STK17A: variants seen among roughly 807,000 people sequenced by gnomAD.
STK17A encodes the protein serine/threonine kinase 17a, also known as serine/threonine-protein kinase 17A.
STK17A carries 26 observed loss-of-function variants against 43.7 expected under a neutral mutation model. That is an observed-to-expected ratio of 0.60 (90% CI 0.44 to 0.83). STK17A has a LOEUF of 0.83. STK17A is among the 40% of genes least tolerant of loss of function. The pLI is 0.00. For synonymous variants in STK17A, 191 were observed against 182.5 expected, an observed-to-expected ratio of 1.05 and a Z score of -0.38; for missense variants, 476 against 511.6, an observed-to-expected ratio of 0.93 and a Z score of 0.67.
chr7:43,612,510 A>G (rs149844804), intron 3 of STK17A, among the ~76,000 whole-genome samples: 194 of 152,352 alleles, frequency 1.3e-3, no homozygotes, highest in African/African-American at 4.5e-3. Context: ...CATTGCCTCA[A>G]AGCTAAATAT....
chr7:43,623,526 A>AT (rs1386813249), intron 4 of STK17A, 46 bp from the exon 5 acceptor site: 3 of 1,557,806 alleles, frequency 1.9e-6, no homozygotes, highest in Non-Finnish European at 1.8e-6. Flanking sequence ...CAAATTAGGA[A>AT]TTTTTTTCCA....
intron 2 of STK17A, among the ~76,000 whole-genome samples, chr7:43,598,236 C>T (rs527676892): frequency 1.7e-4 from 26 of 152,032 alleles, no homozygotes; most frequent in South Asian, 6.2e-4. Context: ...TATGGGAGGC[C>T]GAGGCAGGTG....
Position 43,583,406 on chromosome 7 carries a change from T to A in STK17A, c.163T>A (p.Phe55Ile). ...ACGCGCCGTGGTGCGCACCGAGCCC[T>A]TCCAGGACGGCTACAGCCTGTGCCC... is the stretch of plus-strand genomic sequence containing the variant. The part of the protein sequence containing the change: ...EIRAVVRTEP[F>I]QDGYSLCPGR... The change falls in exon 1 of 7, where the codon TTC (phenylalanine) becomes ATC (isoleucine). Residue 55 changes from phenylalanine (F) to isoleucine (I), a missense_variant. Phe to Ile is a conservative substitution (Grantham distance 21). Around this residue, in one of 3 missense-constraint regions of STK17A, gnomAD observed 320 missense variants for 326.3 expected, o/e 0.98. Transcript: ENST00000319357. 7.0e-7 allele frequency: 1 copy of A among 1,435,302 alleles called. No individual in the cohort carries two copies. The highest frequency in any genetic ancestry group is 3.1e-5 in the East Asian group (1 of 32,588). The allele number at this position is 1,435,302 out of a possible 1,614,324, so 88.9% of individuals were successfully genotyped here. A position where few individuals can be genotyped will look rare whatever the true frequency, so the allele number is the denominator to read the frequency against.
At chr7:43,610,341 C>T (rs180710568) in intron 3 of STK17A, among the ~76,000 whole-genome samples, 4,336 of 107,910 alleles carry the variant, frequency 0.04, 217 homozygotes, top group African/African-American at 0.15. Flanking sequence ...AGCGAGACTC[C>T]GTCTCAAAAA....
chr7:43,613,624 C>T (rs2083076116), intron 3 of STK17A, among the ~76,000 whole-genome samples: 2 of 152,142 alleles, frequency 1.3e-5, no homozygotes, highest in Admixed American at 6.5e-5. Flanking sequence ...AGAAGGACCA[C>T]ATGAGCCCAG....
intron 2 of STK17A, among the ~76,000 whole-genome samples, chr7:43,606,093 T>C (rs2082586674): frequency 6.6e-6 from 1 of 152,148 alleles, no homozygotes; most frequent in African/African-American, 2.4e-5. Context: ...TAATTTCACA[T>C]ATATATTAAT....
chr7:43,627,145 T>C lies in STK17A; in HGVS notation c.*2303T>C, dbSNP rs2153031967. On this transcript the variant is annotated 3_prime_UTR_variant, in exon 7 of 7. Transcript: ENST00000319357. ...TTTTAACTATAATTCAACAATATTT[T>C]GGTGTGGTGAAACGTTGTTTATGAA... 6.6e-6 allele frequency among the ~76,000 whole-genome samples: 1 copy of C among 152,364 alleles called. No homozygotes were observed. Among genetic ancestry groups the C allele is most frequent in the East Asian group, 1.9e-4 (1 of 5,194 alleles).
intron 1 of STK17A, among the ~76,000 whole-genome samples, chr7:43,588,330 T>G (rs998427650): frequency 6.6e-6 from 1 of 151,544 alleles, no homozygotes; most frequent in Non-Finnish European, 1.5e-5. Context: ...ATTTTACAGA[T>G]GAGGAATCCC....
At chr7:43,583,681 C>T (rs2152969931) in intron 1 of STK17A, among the ~76,000 whole-genome samples, 1 of 152,330 alleles carries the variant, frequency 6.6e-6, no homozygotes. Context: ...AACTCGATGG[C>T]GGTCCCGGAG....
chr7:43,588,653 C>T lies in STK17A; in HGVS notation c.206+5204C>T, dbSNP rs1217778898. Among the ~76,000 whole-genome samples, 4 of 151,384 alleles carry T rather than the reference C, an allele frequency of 2.6e-5. No individual in the cohort carries two copies. In the South Asian group the frequency reaches 6.2e-4, roughly 24 times the overall value. ...GTCAGAAGCTTGAGAGCAGCCTGGC[C>T]AACATGGTGAAACCTCATCTCTACT... On this transcript the variant is annotated intron_variant, in intron 1 of 6. Coordinates refer to ENST00000319357, the MANE Select transcript of STK17A (RefSeq NM_004760.3).
At chr7:43,607,072 C>T (rs769176130) in intron 2 of STK17A, among the ~76,000 whole-genome samples, 16 of 150,742 alleles carry the variant, frequency 1.1e-4, no homozygotes, top group Admixed American at 2.0e-4. Context: ...TACAGGCATG[C>T]GCTACCATGC....
intron 2 of STK17A, among the ~76,000 whole-genome samples, chr7:43,602,763 G>A (rs569547145): frequency 2.6e-5 from 4 of 152,212 alleles, no homozygotes; most frequent in Non-Finnish European, 2.9e-5. Context: ...TGTGGCTTCA[G>A]CTATCATTTA....
At chr7:43,623,973 A>G in intron 6 of STK17A, 85 bp downstream of exon 6, 1 of 992,660 alleles carries the variant, frequency 1.0e-6, no homozygotes, top group Non-Finnish European at 1.3e-6. Context: ...TTTTTCTTGA[A>G]TCTCCTCCAA....
intron 6 of STK17A, among the ~76,000 whole-genome samples, chr7:43,624,243 T>A (rs996352679): frequency 1.3e-5 from 2 of 152,208 alleles, no homozygotes; most frequent in African/African-American, 4.8e-5. Context: ...TGACAGCTAA[T>A]CTCTAGCAGA....
chr7:43,587,161 T>G (rs6946122), intron 1 of STK17A, among the ~76,000 whole-genome samples: 4,076 of 142,360 alleles, frequency 0.029, 255 homozygotes, highest in African/African-American at 0.096. Context: ...TTTGTTTTTT[T>G]TTTTTTTTTT....
At chr7:43,622,867 G>C (rs1460888054) in intron 4 of STK17A, 1 of 151,892 alleles carries the variant, frequency 6.6e-6, no homozygotes, top group East Asian at 1.9e-4. Flanking sequence ...CACTCGGCTA[G>C]CTTTTGTTTA....
chr7:43,623,940 T>C, intron 6 of STK17A, 52 bp downstream of exon 6: 1 of 1,259,194 alleles, frequency 7.9e-7, no homozygotes, highest in Non-Finnish European at 1.0e-6. Flanking sequence ...TATTAAAAAA[T>C]TCAGTATTAA....
intron 1 of STK17A, among the ~76,000 whole-genome samples, chr7:43,592,615 C>T (rs1050260721): frequency 2.0e-5 from 3 of 150,204 alleles, no homozygotes; most frequent in Non-Finnish European, 3.0e-5. Context: ...TTTGGGAGGC[C>T]GAGGTGGGTG....
At chr7:43,605,592 A>G (rs555140100) in intron 2 of STK17A, among the ~76,000 whole-genome samples, 8 of 152,054 alleles carry the variant, frequency 5.3e-5, no homozygotes, top group Admixed American at 1.3e-4. Context: ...TCACCTGCCA[A>G]TTCCAGCTGT....
Sources: gnomAD v4.1 joint callset for allele counts (sites outside exome capture counted in the v4.1 genomes callset) on GRCh38, gnomAD v4.1.1 for gene constraint, gnomAD v4.1.1 regional missense constraint, MANE v1.5 for transcripts, NCBI Gene and HGNC (gene_info 2026-07-23, HGNC 2026-07-21) for gene names.